Variants in FOXP2 observed in about 807,000 individuals in gnomAD.
The protein encoded by FOXP2 is forkhead box P2.
A neutral mutation model predicts 115.8 loss-of-function variants in FOXP2; 12 were observed. That is an observed-to-expected ratio of 0.10 (90% confidence interval 0.07 to 0.17). The LOEUF (loss-of-function observed/expected upper bound fraction) is 0.17. Ranked by LOEUF, FOXP2 falls within the 10% of genes least tolerant of loss-of-function variation. The probability of loss-of-function intolerance (pLI) is 1.00; values close to 1 mark genes in which losing one functional copy is unlikely to be tolerated. For missense variants in FOXP2, 629 were observed against 843.5 expected (o/e 0.75, Z 3.15); for synonymous variants, 328 against 297.7 (o/e 1.10, Z -1.05).
chr7:114,162,634 A>G (rs1324232431), upstream of FOXP2, among the ~76,000 whole-genome samples: 1 of 152,074 alleles, frequency 6.6e-6, no homozygotes, highest in Non-Finnish European at 1.5e-5. Flanking sequence ...GGATTTGCAA[A>G]ATTATGTTAA....
chr7:114,548,369 G>T (rs1183777268), intron 3 of FOXP2, among the ~76,000 whole-genome samples: 1 of 152,140 alleles, frequency 6.6e-6, no homozygotes, highest in Non-Finnish European at 1.5e-5. Flanking sequence ...TTGTCACATT[G>T]AACAAAGTTG....
intron 2 of FOXP2, among the ~76,000 whole-genome samples, chr7:114,290,101 G>A (rs1249707437): frequency 6.6e-6 from 1 of 151,780 alleles, no homozygotes; most frequent in Non-Finnish European, 1.5e-5. Context: ...TGAAAATTTA[G>A]CACTTGGTAC....
At chr7:114,390,562 T>C (rs1442760500) in intron 2 of FOXP2, among the ~76,000 whole-genome samples, 1 of 152,140 alleles carries the variant, frequency 6.6e-6, no homozygotes, top group African/African-American at 2.4e-5. Context: ...AGTTAGTTAG[T>C]TGGTTATTTG....
intron 2 of FOXP2, among the ~76,000 whole-genome samples, chr7:114,461,314 C>A (rs1451014497): frequency 6.6e-6 from 1 of 152,102 alleles, no homozygotes; most frequent in Non-Finnish European, 1.5e-5. Flanking sequence ...GTTGTCTGAT[C>A]ACATAAGAGT....
At chr7:114,446,498 A>G (rs371299474) in intron 2 of FOXP2, among the ~76,000 whole-genome samples, 1 of 151,964 alleles carries the variant, frequency 6.6e-6, no homozygotes, top group Non-Finnish European at 1.5e-5. Context: ...TGTTAACACA[A>G]TGGGTAATGT....
At chr7:114,107,647 T>C (rs1791154434) in intron 1 of FOXP2, among the ~76,000 whole-genome samples, 1 of 152,014 alleles carries the variant, frequency 6.6e-6, no homozygotes. Context: ...ATACATATTC[T>C]TTAGCTCGTT....
Position 114,271,360 on chromosome 7 carries a change from T to C in FOXP2, c.-101-16659T>C, listed in dbSNP as rs138605414. ...GGGGACATGCTTGCCTTGCAATGGA[T>C]ATTAGTAGGAAGGATTTGAATTTCT... On this transcript the variant is annotated intron_variant, in intron 1 of 17. Coordinates refer to the FOXP2 transcript ENST00000634411. 1.4e-3 allele frequency among the ~76,000 whole-genome samples: 207 copies of C among 150,208 alleles called. 1 individual carries two copies. The highest frequency in any genetic ancestry group is 4.7e-3 in the African/African-American group (193 of 40,986).
rs905888760 is a variant in FOXP2 at position 114,597,049 on chromosome 7, G to A, written c.259-31491G>A. Among the ~76,000 whole-genome samples, 6 of 152,138 alleles carry A rather than the reference G, an allele frequency of 3.9e-5. No homozygotes were observed. In the South Asian group the frequency reaches 6.2e-4, roughly 16 times the overall value. ...TTCAAAAAAACTTTCTTTTGGTAGT[G>A]TGTAAGAAAAAATTGGGGGCTCTTC... On this transcript the variant is annotated intron_variant, in intron 3 of 16. Transcript: ENST00000350908.
intron 2 of FOXP2, among the ~76,000 whole-genome samples, chr7:114,491,610 G>T (rs1481730103): frequency 1.3e-5 from 2 of 151,996 alleles, no homozygotes; most frequent in Non-Finnish European, 2.9e-5. Flanking sequence ...GTATTGCCTA[G>T]GTTTTCTTCT....
At chr7:114,164,538 G>A (rs776927) in intron 1 of FOXP2, among the ~76,000 whole-genome samples, 3,274 of 151,642 alleles carry the variant, frequency 0.022, 130 homozygotes, top group African/African-American at 0.073. Flanking sequence ...TAGAGATGGG[G>A]TTTCACCATG....
Position 114,289,745 on chromosome 7 carries a change from G to A in FOXP2, c.-11+1636G>A, listed in dbSNP as rs1372948012. On this transcript the variant is annotated intron_variant, in intron 2 of 17. Transcript: ENST00000634411. ...TGCTACTTAGACTTTTGGTAGTTAT[G>A]TGCTTATAGTGGCAGTTTTTAAATA... Among the ~76,000 whole-genome samples, 4 of 151,924 alleles carry A rather than the reference G, an allele frequency of 2.6e-5. No homozygotes were observed. The South Asian group carries it at 8.3e-4, about 31-fold the overall frequency.
At chr7:114,638,194 T>C (rs1426383806) in intron 6 of FOXP2, among the ~76,000 whole-genome samples, 1 of 152,160 alleles carries the variant, frequency 6.6e-6, no homozygotes, top group Non-Finnish European at 1.5e-5. Context: ...ACACCTGGTA[T>C]TTAAAACTTA....
Position 114,652,273 on chromosome 7 carries a change from C to G in FOXP2, c.1165C>G (p.Gln389Glu). The G allele has an allele frequency of 6.2e-7, 1 of 1,612,782 alleles. No individual in the cohort carries two copies. The highest frequency in any genetic ancestry group is 8.5e-7 in the Non-Finnish European group (1 of 1,179,224). Residue 389 changes from glutamine to glutamate, a missense_variant, in exon 9 of 17, where the codon CAA becomes GAA. Physicochemically the swap from Gln to Glu is conservative, Grantham distance 29. Transcript: ENST00000350908. ...AQCRVQMQVV[Q>E]QLEIQLSKER... ...GTGTCGAGTGCAAATGCAGGTGGTG[C>G]AACAGTTAGAAATACAGGTTTGTTA...
chr7:114,109,150 A>G (rs1302207593), intron 1 of FOXP2, among the ~76,000 whole-genome samples: 5 of 152,014 alleles, frequency 3.3e-5, no homozygotes, highest in African/African-American at 9.7e-5. Context: ...CAGTAAAAGC[A>G]GGATATTACA....
chr7:114,223,305 A>G (rs1794667188), intron 1 of FOXP2, among the ~76,000 whole-genome samples: 1 of 151,954 alleles, frequency 6.6e-6, no homozygotes, highest in African/African-American at 2.4e-5. Context: ...TAATGGGTAA[A>G]AAGATATCTC....
chr7:114,596,998 T>C (rs1802751412), intron 3 of FOXP2, among the ~76,000 whole-genome samples: 1 of 152,082 alleles, frequency 6.6e-6, no homozygotes, highest in Non-Finnish European at 1.5e-5. Context: ...TCTTTGTTAA[T>C]CAAAAATAAT....
chr7:114,424,812 G>T (rs1793771512), intron 1 of FOXP2, among the ~76,000 whole-genome samples: 1 of 150,762 alleles, frequency 6.6e-6, no homozygotes, highest in South Asian at 2.1e-4. Context: ...GTTTTCTGTT[G>T]TTTTTTTATT....
At chr7:114,399,314 G>C (rs1402865827) in intron 2 of FOXP2, among the ~76,000 whole-genome samples, 1 of 151,872 alleles carries the variant, frequency 6.6e-6, no homozygotes, top group Admixed American at 6.6e-5. Context: ...CACCATGTTG[G>C]CCAGGCTGGT....
At chr7:114,114,581 A>T (rs1319776130) in intron 1 of FOXP2, among the ~76,000 whole-genome samples, 1 of 151,936 alleles carries the variant, frequency 6.6e-6, no homozygotes, top group Non-Finnish European at 1.5e-5. Context: ...TTTTTTCTCC[A>T]TTGTGCCATA....
Sources: allele counts gnomAD v4.1 joint callset (sites outside exome capture counted in the v4.1 genomes callset), GRCh38; gene constraint gnomAD v4.1.1; transcripts MANE v1.5; gene names NCBI Gene and HGNC (gene_info 2026-07-23, HGNC 2026-07-21).